TOR1A: variants seen among roughly 807,000 people sequenced by gnomAD.
The protein encoded by TOR1A is torsin-1A.
In TOR1A, 18 loss-of-function variants were observed where a neutral mutation model predicts 31.4. That is an observed-to-expected ratio of 0.57 (90% CI 0.40 to 0.85). The LOEUF is 0.85. Ranked by LOEUF, TOR1A falls within the 40% of genes least tolerant of loss-of-function variation. The pLI is 0.00. For synonymous variants in TOR1A, 168 were observed against 165.9 expected (o/e 1.01, Z -0.10); for missense variants, 375 against 416.4 (o/e 0.90, Z 0.87).
intron 2 of TOR1A, 118 bp downstream of exon 2, chr9:129,822,463 A>G (rs774473100): frequency 7.3e-7 from 1 of 1,378,950 alleles, no homozygotes; most frequent in Non-Finnish European, 1.0e-6. Context: ...GGGAACTGAG[A>G]CATGAACCGT....
intron 2 of TOR1A, 102 bp downstream of exon 2, chr9:129,822,479 G>C (rs770323357): frequency 3.3e-6 from 5 of 1,497,718 alleles, no homozygotes; most frequent in Non-Finnish European, 2.8e-6. Flanking sequence ...ACCGTTTTCC[G>C]GGCTCACTCA....
Position 129,824,080 on chromosome 9 carries a change from C to T in TOR1A, c.6G>A (p.Lys2=), listed in dbSNP as rs1313362533. Residue 2 remains lysine, a synonymous_variant, in exon 1 of 5, where the codon AAG becomes AAA. Coordinates refer to ENST00000351698, the MANE Select transcript of TOR1A (RefSeq NM_000113.3). ...GCAGGCCCAGCACGGCCCGGCCCAG[C>T]TTCATGCCCGGACCCGCGCCACCCT... M[K]LGRAVLGLLL... The T allele has an allele frequency of 1.3e-6, 2 of 1,582,208 alleles. No homozygotes were observed. Among genetic ancestry groups the T allele is most frequent in the South Asian group, 1.1e-5 (1 of 87,908 alleles).
Position 129,814,238 on chromosome 9 carries a change from A to G in TOR1A, c.749-16T>C. Reference sequence around the variant, plus strand: ...CAGAAGCCACCTGGGAAGAAGAAACAAGGTGCTGTTCATCCACATCCACCC... The same window carrying G: ...CAGAAGCCACCTGGGAAGAAGAAACGAGGTGCTGTTCATCCACATCCACCC... On this transcript the variant is annotated splice_polypyrimidine_tract_variant and intron_variant, in intron 4 of 4. Coordinates refer to ENST00000351698, the MANE Select transcript of TOR1A (RefSeq NM_000113.3). 1 of 1,614,032 alleles carries G rather than the reference A, an allele frequency of 6.2e-7. No individual in the cohort carries two copies. Among genetic ancestry groups the G allele is most frequent in the Non-Finnish European group, 8.5e-7 (1 of 1,179,978 alleles).
At chr9:129,818,986 C>CCA in intron 2 of TOR1A, 66 bp from the exon 3 acceptor site, 1 of 1,557,910 alleles carries the variant, frequency 6.4e-7, no homozygotes, top group Non-Finnish European at 8.7e-7. Context: ...GCTCCTTCTA[C>CCA]CACTAAGAAC....
chr9:129,822,990 C>A, intron 1 of TOR1A, 144 bp from the exon 2 acceptor site: 1 of 1,223,498 alleles, frequency 8.2e-7, no homozygotes, highest in South Asian at 1.3e-5. Context: ...TCTGTAAGCT[C>A]CTGGCCCAGA....
At chr9:129,818,331 C>T (rs1039318522) in intron 4 of TOR1A, 189 bp downstream of exon 4, 1 of 812,930 alleles carries the variant, frequency 1.2e-6, no homozygotes, top group African/African-American at 1.7e-5. Flanking sequence ...ACTTGTCAAA[C>T]ATTAGTGTTC....
rs943753139 is a variant in TOR1A at position 129,814,135 on chromosome 9, A to G, written c.836T>C (p.Met279Thr). The G allele has an allele frequency of 8.1e-6, 13 of 1,613,994 alleles. No homozygotes were observed. The highest frequency in any genetic ancestry group is 1.6e-4 in the Middle Eastern group (1 of 6,084). Residue 279 changes from methionine to threonine, a missense_variant, in exon 5 of 5, where the codon ATG becomes ACG. Coordinates refer to ENST00000351698, the MANE Select transcript of TOR1A (RefSeq NM_000113.3). ...GGACTGCATTTCCACTCGGATACACATTTTTAGGTGTTTGTATTCCAGGGG... is the reference window on the plus strand; with the variant it reads ...GGACTGCATTTCCACTCGGATACACGTTTTTAGGTGTTTGTATTCCAGGGG... ...FLPLEYKHLK[M>T]CIRVEMQSRG... is the part of the protein sequence containing the mutation.
intron 4 of TOR1A, among the ~76,000 whole-genome samples, chr9:129,816,464 A>G (rs1016824103): frequency 2.0e-5 from 3 of 152,210 alleles, no homozygotes; most frequent in Admixed American, 6.5e-5. Flanking sequence ...CAACATATCT[A>G]TCCCCCATCA....
In TOR1A at chr9:129,813,709, T is replaced by C. The variant is rs996701059; in HGVS notation, c.*263A>G. The C allele has an allele frequency of 4.8e-5, 27 of 562,658 alleles. No individual in the cohort carries two copies. Among genetic ancestry groups the C allele is most frequent in the African/African-American group, 1.1e-4 (6 of 53,238 alleles). 34.9% of individuals were successfully genotyped at this position (562,658 alleles called of 1,614,324 possible). On this transcript the variant is annotated 3_prime_UTR_variant, in exon 5 of 5. Coordinates refer to ENST00000351698, the MANE Select transcript of TOR1A (RefSeq NM_000113.3). ...TTAAAACATAATTTGTAAAAAATCA[T>C]GAGCCCTGCGATGAGTGGGCTGGGA...
At chr9:129,819,646 A>C (rs2031132084) in intron 2 of TOR1A, among the ~76,000 whole-genome samples, 1 of 152,026 alleles carries the variant, frequency 6.6e-6, no homozygotes, top group African/African-American at 2.4e-5. Context: ...TTATAGTCCC[A>C]GCTACTCAGG....
Position 129,814,233 on chromosome 9 carries a change from G to T in TOR1A, c.749-11C>A, listed in dbSNP as rs72755217. The T allele has an allele frequency of 0.016, 26,530 of 1,614,012 alleles. 501 individuals are homozygous for T. The highest frequency in any genetic ancestry group is 0.067 in the South Asian group (6,096 of 91,074). On this transcript the variant is annotated splice_polypyrimidine_tract_variant and intron_variant, in intron 4 of 4. Coordinates refer to ENST00000351698, the MANE Select transcript of TOR1A (RefSeq NM_000113.3). ...TGTGCCAGAAGCCACCTGGGAAGAA[G>T]AAACAAGGTGCTGTTCATCCACATC...
At position 129,818,808 on chromosome 9, in the gene TOR1A, A is replaced by C. The variant is rs2031107208; in HGVS notation, c.557T>G (p.Phe186Cys). ...ATCCACCAGGTCATAATAGTCGAGG[A>C]AAGGCTTGATGGCATCTATGAGGCC... The part of the protein sequence containing the change: ...HAGLIDAIKP[F>C]LDYYDLVDGV... Residue 186 changes from phenylalanine (F) to cysteine (C), a missense_variant, in exon 3 of 5, where the codon TTC (phenylalanine) becomes TGC (cysteine). Phe to Cys is a radical substitution (Grantham distance 205). Transcript: ENST00000351698. 2 of 1,613,850 alleles carry C rather than the reference A, an allele frequency of 1.2e-6. No individual in the cohort carries two copies. Among genetic ancestry groups the C allele is most frequent in the East Asian group, 4.5e-5 (2 of 44,888 alleles).
rs542983594 is a variant in TOR1A at position 129,820,137 on chromosome 9, T to C, written c.445-1217A>G. Among the ~76,000 whole-genome samples, 361 of 142,218 alleles carry C rather than the reference T, an allele frequency of 2.5e-3. 3 individuals carry two copies. The highest frequency in any genetic ancestry group is 7.6e-3 in the South Asian group (34 of 4,500). The allele number at this position is 142,218 out of a possible 152,430, so 93.3% of individuals were successfully genotyped here. A position where few individuals can be genotyped will look rare whatever the true frequency, so the allele number is the denominator to read the frequency against. ...TCTAAGCACTGTTCATATAACTTTTTTTTTTTGACAGTCTCGCTCTGTTAC... is the reference window on the plus strand; with the variant it reads ...TCTAAGCACTGTTCATATAACTTTTCTTTTTTGACAGTCTCGCTCTGTTAC... On this transcript the variant is annotated intron_variant, in intron 2 of 4. Transcript: ENST00000351698.
chr9:129,813,002 G>A lies in TOR1A; in HGVS notation c.*970C>T, dbSNP rs942503604. On this transcript the variant is annotated 3_prime_UTR_variant, in exon 5 of 5. Coordinates refer to ENST00000351698, the MANE Select transcript of TOR1A (RefSeq NM_000113.3). ...ATTTGCATTTATAAAGAAAGACACCGTTCTCAGCATCCTCAGAAGGGGCAG... is the reference window on the plus strand; with the variant it reads ...ATTTGCATTTATAAAGAAAGACACCATTCTCAGCATCCTCAGAAGGGGCAG... The A allele has an allele frequency of 2.0e-5, 3 of 152,290 alleles. No individual in the cohort carries two copies. Among genetic ancestry groups the A allele is most frequent in the Non-Finnish European group, 4.4e-5 (3 of 68,022 alleles). The allele number at this position is 152,290 out of a possible 1,614,324, so 9.4% of individuals were successfully genotyped here.
In TOR1A at chr9:129,818,616, C is replaced by G; in HGVS notation, c.652G>C (p.Ala218Pro). The G allele has an allele frequency of 6.2e-7, 1 of 1,614,248 alleles. No homozygotes were observed. The highest frequency in any genetic ancestry group is 2.2e-5 in the East Asian group (1 of 44,886). ...TTTCCACTCCTCCAGAAATCCAAAG[C>G]CACATCTGTGATCCTTTCTGCTCCA... ...NAGAERITDV[A>P]LDFWRSGKQR... Residue 218 changes from alanine to proline, a missense_variant, in exon 4 of 5, where the codon GCT becomes CCT. Ala to Pro is a conservative substitution (Grantham distance 27). Coordinates refer to ENST00000351698, the MANE Select transcript of TOR1A (RefSeq NM_000113.3).
Position 129,824,092 on chromosome 9 carries a change from A to G in TOR1A, c.-7T>C. 2 of 1,563,168 alleles carry G rather than the reference A, an allele frequency of 1.3e-6. No homozygotes were observed. Among genetic ancestry groups the G allele is most frequent in the Non-Finnish European group, 1.7e-6 (2 of 1,159,478 alleles). ...CGGCCCGGCCCAGCTTCATGCCCGG[A>G]CCCGCGCCACCCTGCTTGTTCTCGC... is the stretch of plus-strand genomic sequence containing the variant. On this transcript the variant is annotated 5_prime_UTR_variant, in exon 1 of 5. Transcript: ENST00000351698.
rs2031214842 is a variant in TOR1A, at chr9:129,822,712, C to T, written c.313G>A (p.Gly105Ser). The part of the protein sequence containing the change: ...PLTLSLHGWT[G>S]TGKNFVSKII... ...TTGCTGACGAAATTTTTGCCGGTGCCTGTCCACCCGTGCAGGGAGAGCGTG... is the reference window on the plus strand; with the variant it reads ...TTGCTGACGAAATTTTTGCCGGTGCTTGTCCACCCGTGCAGGGAGAGCGTG... Residue 105 changes from glycine (G) to serine (S), a missense_variant, in exon 2 of 5, where the codon GGC becomes AGC. Coordinates refer to ENST00000351698, the MANE Select transcript of TOR1A (RefSeq NM_000113.3). 6.2e-7 allele frequency: 1 copy of T among 1,614,090 alleles called. No homozygotes were observed. The highest frequency in any genetic ancestry group is 8.5e-7 in the Non-Finnish European group (1 of 1,180,048).
intron 2 of TOR1A, 64 bp downstream of exon 2, chr9:129,822,517 C>A (rs767450795): frequency 1.6e-5 from 25 of 1,604,606 alleles, no homozygotes; most frequent in Non-Finnish European, 2.0e-5. Flanking sequence ...CAAATCTCAT[C>A]CCACAACAAA....
chr9:129,823,665 A>AC, intron 1 of TOR1A: 1 of 19,604 alleles, frequency 5.1e-5, no homozygotes, highest in Non-Finnish European at 9.6e-5. Context: ...GCGATCCCCC[A>AC]GCCCCACCCC....
Sources: allele counts gnomAD v4.1 joint callset (sites outside exome capture counted in the v4.1 genomes callset), GRCh38; gene constraint gnomAD v4.1.1; transcripts MANE v1.5; gene names NCBI Gene and HGNC (gene_info 2026-07-23, HGNC 2026-07-21).